TMTC2: variants seen among roughly 807,000 people sequenced by gnomAD.
The protein encoded by TMTC2 is transmembrane O-mannosyltransferase targeting cadherins 2.
Under a neutral mutation model 82.4 loss-of-function variants are expected in TMTC2, and 43 were observed. That is an observed-to-expected ratio of 0.52 (90% CI 0.41 to 0.67). The LOEUF (loss-of-function observed/expected upper bound fraction) is 0.67. TMTC2 is among the 30% of genes least tolerant of loss of function. The probability of loss-of-function intolerance (pLI) is 0.00; values close to 1 mark genes in which losing one functional copy is unlikely to be tolerated. For missense variants in TMTC2, 919 were observed against 1,012.4 expected (o/e 0.91, Z 1.25); for synonymous variants, 408 against 381.9 (o/e 1.07, Z -0.80).
At chr12:83,092,085 A>C (rs2137520479) in intron 11 of TMTC2, among the ~76,000 whole-genome samples, 1 of 152,336 alleles carries the variant, frequency 6.6e-6, no homozygotes, top group South Asian at 2.1e-4. Flanking sequence ...GGAAACTATT[A>C]ACATTCTTCT....
chr12:82,937,525 A>G (rs1449238771), intron 4 of TMTC2, among the ~76,000 whole-genome samples: 1 of 151,794 alleles, frequency 6.6e-6, no homozygotes, highest in Non-Finnish European at 1.5e-5. Flanking sequence ...GGACTTCAAC[A>G]TATCTTTTGA....
At chr12:82,912,218 G>A (rs1338571730) in intron 3 of TMTC2, among the ~76,000 whole-genome samples, 1 of 152,156 alleles carries the variant, frequency 6.6e-6, no homozygotes, top group African/African-American at 2.4e-5. Flanking sequence ...AAGGAACTGG[G>A]TTAGAAATGT....
At position 82,687,678 on chromosome 12, in the gene TMTC2, C is replaced by G; in HGVS notation, c.83+9C>G. Reference sequence around the variant, plus strand: ...TTCTGCTATGATGACAGGTAAGGGGCCGAGAGGAGGGGGCGACGGGCTGCA... The same window carrying G: ...TTCTGCTATGATGACAGGTAAGGGGGCGAGAGGAGGGGGCGACGGGCTGCA... On this transcript the variant is annotated intron_variant, in intron 1 of 11. Coordinates refer to ENST00000321196, the MANE Select transcript of TMTC2 (RefSeq NM_152588.3). 6.2e-7 allele frequency: 1 copy of G among 1,600,896 alleles called. No individual in the cohort carries two copies. Among genetic ancestry groups the G allele is most frequent in the Non-Finnish European group, 8.5e-7 (1 of 1,175,124 alleles).
At chr12:82,939,996 T>A (rs1296157501) in intron 4 of TMTC2, among the ~76,000 whole-genome samples, 1 of 151,296 alleles carries the variant, frequency 6.6e-6, no homozygotes, top group East Asian at 1.9e-4. Flanking sequence ...GATACATGTA[T>A]TTCTTTTTCT....
chr12:82,822,791 C>T (rs989333464), intron 1 of TMTC2, among the ~76,000 whole-genome samples: 1 of 152,152 alleles, frequency 6.6e-6, no homozygotes, highest in African/African-American at 2.4e-5. Flanking sequence ...ATACCTGTGA[C>T]CATCTTGCTC....
chr12:82,993,371 G>GT (rs34666513), intron 8 of TMTC2, among the ~76,000 whole-genome samples: 16 of 149,766 alleles, frequency 1.1e-4, no homozygotes, highest in African/African-American at 2.5e-4. Context: ...CTTATACACA[G>GT]TTTTTTTTTT....
chr12:83,090,200 C>T (rs1225913227), intron 11 of TMTC2, among the ~76,000 whole-genome samples: 1 of 152,170 alleles, frequency 6.6e-6, no homozygotes, highest in African/African-American at 2.4e-5. Flanking sequence ...TGTAGATATA[C>T]TTTCCTAGAT....
At chr12:83,038,339 T>C (rs1592710018) in intron 9 of TMTC2, among the ~76,000 whole-genome samples, 2 of 152,044 alleles carry the variant, frequency 1.3e-5, no homozygotes, top group Admixed American at 6.6e-5. Context: ...TACAATCTCA[T>C]TGGAAATCAA....
At chr12:82,948,376 A>AAAC (rs1555200164) in intron 4 of TMTC2, among the ~76,000 whole-genome samples, 23 of 43,884 alleles carry the variant, frequency 5.2e-4, no homozygotes, top group African/African-American at 1.3e-3. Flanking sequence ...ATTTAAACAA[A>AAAC]AAAAAAAAAG....
chr12:82,855,289 G>T, intron 1 of TMTC2, among the ~76,000 whole-genome samples: 1 of 152,108 alleles, frequency 6.6e-6, no homozygotes, highest in Non-Finnish European at 1.5e-5. Context: ...GTTTATTTTT[G>T]CAGTCAGGCA....
intron 1 of TMTC2, among the ~76,000 whole-genome samples, chr12:82,819,497 C>CTTTTTTT (rs766912583): frequency 1.9e-4 from 22 of 118,228 alleles, no homozygotes; most frequent in African/African-American, 2.5e-4. Flanking sequence ...TTCTCTCTTT[C>CTTTTTTT]TTTTTTTTTT....
chr12:82,952,851 C>T (rs1031855574), intron 4 of TMTC2, among the ~76,000 whole-genome samples: 1 of 151,982 alleles, frequency 6.6e-6, no homozygotes, highest in Non-Finnish European at 1.5e-5. Flanking sequence ...GGGATTACAG[C>T]CATGAGCCAC....
intron 11 of TMTC2, among the ~76,000 whole-genome samples, chr12:83,113,468 A>G (rs550823590): frequency 1.3e-5 from 2 of 152,328 alleles, no homozygotes; most frequent in South Asian, 4.1e-4. Flanking sequence ...AGTAGAATGG[A>G]GAGATCTTGA....
chr12:82,967,878 G>T (rs1404920039), intron 7 of TMTC2, among the ~76,000 whole-genome samples: 1 of 151,908 alleles, frequency 6.6e-6, no homozygotes, highest in Non-Finnish European at 1.5e-5. Context: ...TAAAATAAAT[G>T]AGATTAGACT....
intron 1 of TMTC2, among the ~76,000 whole-genome samples, chr12:82,796,559 A>G (rs1878726480): frequency 6.6e-6 from 1 of 152,172 alleles, no homozygotes; most frequent in African/African-American, 2.4e-5. Flanking sequence ...AGTTTAATGT[A>G]AGTAGTTGGT....
At chr12:82,845,449 A>C (rs1438626765) in intron 1 of TMTC2, among the ~76,000 whole-genome samples, 7 of 151,840 alleles carry the variant, frequency 4.6e-5, no homozygotes, top group African/African-American at 1.7e-4. Context: ...AATGGACTAA[A>C]GTGGTTCATG....
At chr12:83,020,367 C>A (rs1050475916) in intron 8 of TMTC2, among the ~76,000 whole-genome samples, 3 of 152,138 alleles carry the variant, frequency 2.0e-5, no homozygotes, top group African/African-American at 7.2e-5. Flanking sequence ...TAAAAGCAGA[C>A]ACTTTGGTTT....
In TMTC2 at chr12:83,120,409, G is replaced by A. The variant is rs184937974; in HGVS notation, c.2332-11801G>A. On this transcript the variant is annotated intron_variant, in intron 11 of 11. Transcript: ENST00000321196. ...AAGACTGTATCTTTCCTTCATAGAC[G>A]AATCTTAGTTTTGCTAGATACAAAA... Among the ~76,000 whole-genome samples, 165 of 152,206 alleles carry A rather than the reference G, an allele frequency of 1.1e-3. 1 individual carries two copies. The highest frequency in any genetic ancestry group is 1.8e-3 in the Non-Finnish European group (119 of 67,988).
intron 8 of TMTC2, among the ~76,000 whole-genome samples, chr12:83,005,544 T>G (rs1025447660): frequency 2.0e-5 from 3 of 152,048 alleles, no homozygotes; most frequent in Non-Finnish European, 2.9e-5. Flanking sequence ...TTCCCCATGC[T>G]CTGAGAGTGA....
Sources: gnomAD v4.1 joint callset for allele counts (sites outside exome capture counted in the v4.1 genomes callset) on GRCh38, gnomAD v4.1.1 for gene constraint, MANE v1.5 for transcripts, NCBI Gene and HGNC (gene_info 2026-07-23, HGNC 2026-07-21) for gene names.